The following DPH6 variants were observed in gnomAD, a reference collection of about 807,000 sequenced individuals.
DPH6 encodes diphthamine biosynthesis 6, also known as diphthine--ammonia ligase.
Under a neutral mutation model 38.2 loss-of-function variants are expected in DPH6, and 33 were observed. The observed-to-expected ratio is 0.86, with a 90% CI of 0.65 to 1.15. The LOEUF (loss-of-function observed/expected upper bound fraction) is 1.15. DPH6 is among the 50% of genes most tolerant of loss of function. DPH6 has a pLI of 0.00. For missense variants in DPH6, 325 were observed against 320.0 expected, an observed-to-expected ratio of 1.02 and a Z score of -0.12; for synonymous variants, 108 against 103.0, an observed-to-expected ratio of 1.05 and a Z score of -0.30.
At chr15:35,212,550 C>T (rs1258823255), downstream of DPH6, among the ~76,000 whole-genome samples, 1 of 152,092 alleles carries the variant, frequency 6.6e-6, no homozygotes, top group Non-Finnish European at 1.5e-5. Flanking sequence ...ATTCAATCAC[C>T]CTTTACAAAT....
intron 3 of DPH6, among the ~76,000 whole-genome samples, chr15:35,493,882 G>A (rs2054515083): frequency 6.6e-6 from 1 of 152,006 alleles, no homozygotes; most frequent in South Asian, 2.1e-4. Context: ...TATTTTTTGA[G>A]TCTGGGATAA....
chr15:35,192,068 G>A, the DPH6 span, among the ~76,000 whole-genome samples: 2 of 152,196 alleles, frequency 1.3e-5, no homozygotes, highest in Non-Finnish European at 2.9e-5. Flanking sequence ...TCAGTAACAC[G>A]ATGGTTGTGA....
At position 35,506,805 on chromosome 15, in the gene DPH6, T is replaced by G. The variant is rs1271357951; in HGVS notation, c.312+31469A>C. Reference sequence around the variant, plus strand: ...TTTTAAATTGCATTTTTAACGAATTTTATTTTGGATAAAAGCCCTTAAAAG... The same window carrying G: ...TTTTAAATTGCATTTTTAACGAATTGTATTTTGGATAAAAGCCCTTAAAAG... On this transcript the variant is annotated intron_variant, in intron 3 of 8. Coordinates refer to ENST00000256538, the MANE Select transcript of DPH6 (RefSeq NM_080650.4). Among the ~76,000 whole-genome samples, 3 of 152,204 alleles carry G rather than the reference T, an allele frequency of 2.0e-5. No homozygotes were observed. The East Asian group carries it at 5.8e-4, about 29-fold the overall frequency.
intron 3 of DPH6, among the ~76,000 whole-genome samples, chr15:35,294,161 C>T (rs1215594290): frequency 3.9e-5 from 6 of 152,116 alleles, no homozygotes; most frequent in African/African-American, 1.4e-4. Context: ...TGCTGTAATG[C>T]CACTCCTATC....
At chr15:35,299,444 T>C in intron 3 of DPH6, 1 of 779,666 alleles carries the variant, frequency 1.3e-6, no homozygotes, top group South Asian at 1.3e-5. Flanking sequence ...GGGACATCTT[T>C]TCTTCGGTTT....
At chr15:35,539,900 C>T (rs1319169140) in intron 2 of DPH6, among the ~76,000 whole-genome samples, 1 of 152,062 alleles carries the variant, frequency 6.6e-6, no homozygotes, top group Non-Finnish European at 1.5e-5. Flanking sequence ...ATATTACTCA[C>T]ATTGTTACTA....
chr15:35,222,545 G>A (rs1000117578), intron 3 of DPH6, among the ~76,000 whole-genome samples: 1 of 152,120 alleles, frequency 6.6e-6, no homozygotes, highest in Admixed American at 6.5e-5. Flanking sequence ...GAAGGGGGGG[G>A]TTTCAGGTCA....
chr15:35,458,908 T>G (rs1397371624), intron 3 of DPH6, among the ~76,000 whole-genome samples: 1 of 152,188 alleles, frequency 6.6e-6, no homozygotes, highest in Non-Finnish European at 1.5e-5. Context: ...TCCCAAACAG[T>G]TCCCGTGCCC....
At chr15:35,401,302 A>G in intron 6 of DPH6, 5 of 844,260 alleles carry the variant, frequency 5.9e-6, no homozygotes, top group South Asian at 5.3e-5. Context: ...CAACTTTGGT[A>G]GTGGAGGAAA....
chr15:35,408,637 T>C (rs1168785818), intron 6 of DPH6, among the ~76,000 whole-genome samples: 1 of 151,926 alleles, frequency 6.6e-6, no homozygotes, highest in Non-Finnish European at 1.5e-5. Flanking sequence ...AGTAGGACTA[T>C]CCAGAATGAA....
intron 3 of DPH6, among the ~76,000 whole-genome samples, chr15:35,338,467 C>G (rs962798053): frequency 1.3e-5 from 2 of 152,150 alleles, no homozygotes; most frequent in South Asian, 2.1e-4. Context: ...TAATACAAAT[C>G]GAAACCACAA....
chr15:35,303,280 T>C (rs1178039170), intron 3 of DPH6, among the ~76,000 whole-genome samples: 1 of 151,996 alleles, frequency 6.6e-6, no homozygotes, highest in Non-Finnish European at 1.5e-5. Context: ...CGATGTTATC[T>C]ATATGTAGTC....
the DPH6 span, among the ~76,000 whole-genome samples, chr15:35,181,617 C>G: frequency 6.6e-6 from 1 of 152,078 alleles, no homozygotes; most frequent in African/African-American, 2.4e-5. Flanking sequence ...CTTACATGAT[C>G]AGAAATAGAG....
chr15:35,261,041 G>A (rs1248278293), intron 3 of DPH6, among the ~76,000 whole-genome samples: 3 of 152,196 alleles, frequency 2.0e-5, no homozygotes, highest in Non-Finnish European at 4.4e-5. Context: ...ATTCCCGGAA[G>A]TCAAAACCCA....
At chr15:35,274,917 ATTC>A in intron 3 of DPH6, among the ~76,000 whole-genome samples, 1 of 150,384 alleles carries the variant, frequency 6.6e-6, no homozygotes, top group Admixed American at 6.6e-5. Flanking sequence ...ACTATAAATC[ATTC>A]TTTTTTTTTT....
chr15:35,155,702 T>C, the DPH6 span, among the ~76,000 whole-genome samples: 6 of 152,186 alleles, frequency 3.9e-5, no homozygotes, highest in Non-Finnish European at 5.9e-5. Flanking sequence ...GGAGACTGGG[T>C]CACATTCATG....
intron 6 of DPH6, among the ~76,000 whole-genome samples, chr15:35,394,079 T>A (rs981187352): frequency 2.6e-5 from 4 of 152,162 alleles, no homozygotes; most frequent in Non-Finnish European, 1.5e-5. Flanking sequence ...CTCTGACTCC[T>A]TTCCTTCCTG....
intron 3 of DPH6, among the ~76,000 whole-genome samples, chr15:35,333,123 T>C (rs547485198): frequency 6.7e-6 from 1 of 149,376 alleles, no homozygotes; most frequent in South Asian, 2.1e-4. Flanking sequence ...ATTGAATAAG[T>C]TAAGTGCAAT....
intron 6 of DPH6, among the ~76,000 whole-genome samples, chr15:35,403,072 T>C (rs902763959): frequency 6.6e-6 from 1 of 152,094 alleles, no homozygotes; most frequent in Non-Finnish European, 1.5e-5. Flanking sequence ...CAAAATTGTA[T>C]GTATAGTTGA....
Sources: gnomAD v4.1 joint callset for allele counts (sites outside exome capture counted in the v4.1 genomes callset) on GRCh38, gnomAD v4.1.1 for gene constraint, MANE v1.5 for transcripts, NCBI Gene and HGNC (gene_info 2026-07-23, HGNC 2026-07-21) for gene names.